BCAT1: variants seen among roughly 807,000 people sequenced by gnomAD.
The protein encoded by BCAT1 is branched chain amino acid transaminase 1.
A neutral mutation model predicts 52.4 loss-of-function variants in BCAT1; 48 were observed. The ratio of observed to expected loss-of-function variants is 0.92; its 90% CI spans 0.73 to 1.16. The LOEUF is 1.16. Ranked by LOEUF, BCAT1 falls within the 50% of genes most tolerant of loss-of-function variation. The pLI, the probability that BCAT1 is intolerant of heterozygous loss-of-function variation, is 0.00. For missense variants in BCAT1, 451 were observed against 457.1 expected (o/e 0.99, Z 0.12); for synonymous variants, 167 against 161.3 (o/e 1.04, Z -0.27).
chr12:24,822,277 T>A (rs902204492), intron 10 of BCAT1, among the ~76,000 whole-genome samples: 1 of 152,312 alleles, frequency 6.6e-6, no homozygotes, highest in East Asian at 1.9e-4. Context: ...ATTAGCTAAA[T>A]GGGATGAATA....
At chr12:24,942,302 AG>A (rs1042165223) in intron 1 of BCAT1, among the ~76,000 whole-genome samples, 1 of 152,118 alleles carries the variant, frequency 6.6e-6, no homozygotes, top group Non-Finnish European at 1.5e-5. Flanking sequence ...GTAGTTTGGG[AG>A]GCCAAGGCGG....
intron 1 of BCAT1, among the ~76,000 whole-genome samples, chr12:24,918,829 A>G (rs569914246): frequency 6.6e-6 from 1 of 152,286 alleles, no homozygotes; most frequent in South Asian, 2.1e-4. Flanking sequence ...TGTATCCCCA[A>G]GAGCACAAGT....
At chr12:24,831,185 G>A (rs576812534) in intron 9 of BCAT1, among the ~76,000 whole-genome samples, 1 of 152,210 alleles carries the variant, frequency 6.6e-6, no homozygotes, top group Admixed American at 6.5e-5. Context: ...TCCATGTAAT[G>A]AATAGTAAAT....
At chr12:24,922,289 C>T (rs914721108) in intron 1 of BCAT1, among the ~76,000 whole-genome samples, 1 of 152,188 alleles carries the variant, frequency 6.6e-6, no homozygotes, top group Non-Finnish European at 1.5e-5. Context: ...CTCAGTCCCC[C>T]AAGTAGCTGG....
At chr12:24,886,934 G>T (rs1041085836) in intron 3 of BCAT1, among the ~76,000 whole-genome samples, 1 of 149,358 alleles carries the variant, frequency 6.7e-6, no homozygotes, top group Admixed American at 6.7e-5. Context: ...ATAGTGGCAC[G>T]TGCCTGTAAT....
chr12:24,831,444 T>C (rs1940662620), intron 9 of BCAT1, among the ~76,000 whole-genome samples: 3 of 151,942 alleles, frequency 2.0e-5, no homozygotes, highest in Non-Finnish European at 4.4e-5. Context: ...AACTCAAGAG[T>C]TTGAGACCAG....
rs1224113181 is a variant in BCAT1 at position 24,817,110 on chromosome 12, C to T, written c.*898G>A. 6.6e-6 allele frequency: 1 copy of T among 152,392 alleles called. No individual in the cohort carries two copies. The highest frequency in any genetic ancestry group is 1.5e-5 in the Non-Finnish European group (1 of 68,200). 9.4% of individuals were successfully genotyped at this position (152,392 alleles called of 1,614,324 possible). A position where few individuals can be genotyped will look rare whatever the true frequency, so the allele number is the denominator to read the frequency against. On this transcript the variant is annotated 3_prime_UTR_variant, in exon 11 of 11. Coordinates refer to ENST00000261192, the MANE Select transcript of BCAT1 (RefSeq NM_005504.7). ...GAAGTGATTTCCTAAACTAACTATG[C>T]TTCAGAGTATCTCTAATGACTTAGT...
intron 1 of BCAT1, among the ~76,000 whole-genome samples, chr12:24,915,895 C>T (rs1488948341): frequency 6.6e-6 from 1 of 152,202 alleles, no homozygotes; most frequent in African/African-American, 2.4e-5. Flanking sequence ...CAGTGGCTCA[C>T]GCCTGTAATC....
At chr12:24,856,426 C>T (rs1941684620) in intron 5 of BCAT1, among the ~76,000 whole-genome samples, 1 of 152,122 alleles carries the variant, frequency 6.6e-6, no homozygotes, top group Admixed American at 6.5e-5. Context: ...AATCCTAACC[C>T]ACGGTGTGAC....
intron 1 of BCAT1, among the ~76,000 whole-genome samples, chr12:24,927,061 C>T (rs1361875280): frequency 1.3e-5 from 2 of 152,026 alleles, no homozygotes; most frequent in Non-Finnish European, 2.9e-5. Context: ...CCCAGTTCAA[C>T]TATAAGTTAT....
rs1940167057 is a variant in BCAT1, at chr12:24,822,177, G to T, written c.1120-4128C>A. Among the ~76,000 whole-genome samples the T allele has an allele frequency of 2.0e-5, 3 of 152,116 alleles. No individual in the cohort carries two copies. The South Asian group carries it at 6.2e-4, about 32-fold the overall frequency. On this transcript the variant is annotated intron_variant, in intron 10 of 10. Transcript: ENST00000261192. ...GCTTTTCTTTGTTGCTTTAAAAGAA[G>T]AAAAAGGAAAAACGAAACTGTCATT...
At chr12:24,887,060 C>CTAAAAA (rs1361020257) in intron 3 of BCAT1, among the ~76,000 whole-genome samples, 51 of 1,822 alleles carry the variant, frequency 0.028, no homozygotes, top group East Asian at 0.17. Flanking sequence ...GAGATGCTAG[C>CTAAAAA]TAAAAAAAAA....
rs1186005895 is a variant in BCAT1, at chr12:24,816,552, A to G, written c.*1456T>C. The G allele has an allele frequency of 7.5e-6, 3 of 397,582 alleles. No homozygotes were observed. The highest frequency in any genetic ancestry group is 1.3e-4 in the South Asian group (1 of 7,824). The allele number at this position is 397,582 out of a possible 1,614,324, so 24.6% of individuals were successfully genotyped here. On this transcript the variant is annotated 3_prime_UTR_variant, in exon 11 of 11. Transcript: ENST00000261192. Reference sequence around the variant, plus strand: ...CAAAGAAAAGAGCACCTGCAAAAACAGAGTATAAAAATCAGAGTATGCCTC... The same window carrying G: ...CAAAGAAAAGAGCACCTGCAAAAACGGAGTATAAAAATCAGAGTATGCCTC...
At chr12:24,942,476 A>T (rs1013072210) in intron 1 of BCAT1, among the ~76,000 whole-genome samples, 3 of 151,692 alleles carry the variant, frequency 2.0e-5, no homozygotes, top group Admixed American at 6.6e-5. Context: ...CCCGGGAGGC[A>T]GAGGTTGCAG....
At chr12:24,823,600 T>C (rs757919221) in intron 10 of BCAT1, among the ~76,000 whole-genome samples, 1 of 152,164 alleles carries the variant, frequency 6.6e-6, no homozygotes, top group Non-Finnish European at 1.5e-5. Flanking sequence ...AATTGCATCA[T>C]GGGAGCAAAC....
chr12:24,900,354 G>A (rs1402827664), intron 2 of BCAT1, among the ~76,000 whole-genome samples: 3 of 152,152 alleles, frequency 2.0e-5, no homozygotes, highest in Admixed American at 2.0e-4. Context: ...GGGAGGCCGA[G>A]GTGGGAGGGT....
chr12:24,904,235 C>T (rs1369648187), intron 1 of BCAT1: 2 of 152,426 alleles, frequency 1.3e-5, no homozygotes, highest in African/African-American at 4.8e-5. Flanking sequence ...CGGAGTCTCG[C>T]TCTGTCGCCC....
chr12:24,868,580 G>T (rs1162341564), intron 5 of BCAT1, among the ~76,000 whole-genome samples: 3 of 152,056 alleles, frequency 2.0e-5, no homozygotes, highest in Admixed American at 2.0e-4. Flanking sequence ...GGGACAACTT[G>T]GTCTCCGTGC....
intron 1 of BCAT1, among the ~76,000 whole-genome samples, chr12:24,926,224 CGCCTCTGCCCGGCCGCCCCGTCTG>C: frequency 6.6e-6 from 1 of 151,026 alleles, no homozygotes; most frequent in African/African-American, 2.4e-5. Flanking sequence ...AGGTGAGGAG[CGCCTCTGCCCGGCCGCCCCGTCTG>C]AGAAGTGAGG....
Sources: gnomAD v4.1 joint callset for allele counts (sites outside exome capture counted in the v4.1 genomes callset) on GRCh38, gnomAD v4.1.1 for gene constraint, MANE v1.5 for transcripts, NCBI Gene and HGNC (gene_info 2026-07-23, HGNC 2026-07-21) for gene names.